The following PAK1 variants were observed in gnomAD, a reference collection of about 807,000 sequenced individuals.
PAK1 encodes the protein p21 (RAC1) activated kinase 1, also known as serine/threonine-protein kinase PAK 1.
A neutral mutation model predicts 67.4 loss-of-function variants in PAK1; 29 were observed. That is an observed-to-expected ratio of 0.43 (90% confidence interval 0.32 to 0.59). The LOEUF is 0.59. Among genes scored for constraint, PAK1 ranks in the 20% least tolerant of loss-of-function variants. The pLI is 0.07. For missense variants in PAK1, 337 were observed against 670.7 expected (o/e 0.50, Z 5.50); for synonymous variants, 223 against 237.4 (o/e 0.94, Z 0.56).
chr11:77,329,585 C>G (rs997011742), intron 14 of PAK1, among the ~76,000 whole-genome samples: 20 of 152,104 alleles, frequency 1.3e-4, no homozygotes, highest in Admixed American at 3.3e-4. Context: ...ATTCAACAAC[C>G]CTTCATGCTA....
At chr11:77,415,976 G>GTATTATTATTATTATTCTTATTAT (rs1954928123) in intron 1 of PAK1, among the ~76,000 whole-genome samples, 1 of 147,388 alleles carries the variant, frequency 6.8e-6, no homozygotes, top group Non-Finnish European at 1.5e-5. Context: ...TGTATTCTTT[G>GTATTATTATTATTATTCTTATTAT]TATTATTATT....
At chr11:77,355,899 T>G in intron 6 of PAK1, 57 bp from the exon 7 acceptor site, 1 of 1,110,050 alleles carries the variant, frequency 9.0e-7, no homozygotes, top group Non-Finnish European at 1.4e-6. Flanking sequence ...TAGGGGAACC[T>G]CTCCTAGATG....
chr11:77,507,942 C>A, the PAK1 span, among the ~76,000 whole-genome samples: 7 of 152,138 alleles, frequency 4.6e-5, no homozygotes, highest in Non-Finnish European at 8.8e-5. Context: ...ATTTGTGTAA[C>A]CACCATCCAG....
At chr11:77,328,519 C>T (rs979992160) in intron 14 of PAK1, among the ~76,000 whole-genome samples, 2 of 152,122 alleles carry the variant, frequency 1.3e-5, no homozygotes, top group African/African-American at 4.8e-5. Flanking sequence ...ACTGAACAAC[C>T]TGCTCCCGAA....
At chr11:77,474,540 T>A (rs966927512), upstream of PAK1, 3 of 152,196 alleles carry the variant, frequency 2.0e-5, no homozygotes, top group African/African-American at 7.2e-5. Flanking sequence ...GACGGCTAAC[T>A]TCCGGCGCTG....
the PAK1 span, among the ~76,000 whole-genome samples, chr11:77,494,590 T>TA: frequency 0.011 from 1,374 of 130,554 alleles, 14 homozygotes; most frequent in Admixed American, 0.036. Flanking sequence ...TAGCTACTAT[T>TA]AAAAAAAAAA....
At chr11:77,396,662 A>G (rs1374231098) in intron 1 of PAK1, among the ~76,000 whole-genome samples, 1 of 152,234 alleles carries the variant, frequency 6.6e-6, no homozygotes, top group African/African-American at 2.4e-5. Context: ...AACTTTAGAT[A>G]CCTGAAATAC....
intron 1 of PAK1, among the ~76,000 whole-genome samples, chr11:77,421,461 T>C (rs1039608966): frequency 6.6e-6 from 1 of 152,232 alleles, no homozygotes; most frequent in African/African-American, 2.4e-5. Flanking sequence ...TCCTGCTTTA[T>C]TTGTATCCTG....
intron 1 of PAK1, among the ~76,000 whole-genome samples, chr11:77,415,659 G>A (rs894555649): frequency 2.6e-5 from 4 of 152,008 alleles, no homozygotes; most frequent in Admixed American, 1.3e-4. Context: ...TACCATGAAT[G>A]GAACTTGCAG....
chr11:77,330,440 T>C (rs1228921372), intron 14 of PAK1, among the ~76,000 whole-genome samples: 1 of 152,058 alleles, frequency 6.6e-6, no homozygotes, highest in East Asian at 1.9e-4. Flanking sequence ...AACAGAGATA[T>C]AGACCAATGG....
chr11:77,496,418 G>T, the PAK1 span, among the ~76,000 whole-genome samples: 1 of 152,070 alleles, frequency 6.6e-6, no homozygotes. Flanking sequence ...GAGCCCAGGA[G>T]TTCAAGACCA....
chr11:77,514,715 A>T, the PAK1 span, among the ~76,000 whole-genome samples: 1 of 152,198 alleles, frequency 6.6e-6, no homozygotes, highest in Non-Finnish European at 1.5e-5. Flanking sequence ...CTGGGCAGGG[A>T]CTGTCTCGTT....
At chr11:77,484,022 A>T in the PAK1 span, among the ~76,000 whole-genome samples, 1 of 152,106 alleles carries the variant, frequency 6.6e-6, no homozygotes, top group East Asian at 1.9e-4. Context: ...TGGAATTTGG[A>T]ATTAGGAAAT....
At chr11:77,527,362 C>T in the PAK1 span, among the ~76,000 whole-genome samples, 1 of 152,318 alleles carries the variant, frequency 6.6e-6, no homozygotes, top group Admixed American at 6.5e-5. Flanking sequence ...CTCAGCCTCT[C>T]AAAGTGTTGG....
rs75355457 is a variant in PAK1, at chr11:77,469,505, C to T, written c.-22+4047G>A. On this transcript the variant is annotated intron_variant, in intron 1 of 14. Transcript: ENST00000356341. ...TTGCTTCATGATCCTGTAAACTAGT[C>T]GTAGCAACTATTACTATCCCCATTT... Among the ~76,000 whole-genome samples the T allele has an allele frequency of 5.9e-3, 901 of 152,244 alleles. 29 individuals are homozygous for T. In the East Asian group the frequency reaches 0.088, roughly 15 times the overall value.
the PAK1 span, among the ~76,000 whole-genome samples, chr11:77,500,990 A>G: frequency 6.6e-6 from 1 of 150,990 alleles, no homozygotes; most frequent in Non-Finnish European, 1.5e-5. Context: ...CCAAAAACCC[A>G]ATCCCGGGTA....
chr11:77,328,961 G>A (rs531593334), intron 14 of PAK1, among the ~76,000 whole-genome samples: 14 of 152,228 alleles, frequency 9.2e-5, no homozygotes, highest in Middle Eastern at 3.4e-3. Flanking sequence ...GATCACCACC[G>A]ATCCCACAGA....
intron 1 of PAK1, among the ~76,000 whole-genome samples, chr11:77,402,538 A>T (rs1048555046): frequency 8.6e-5 from 13 of 151,576 alleles, no homozygotes; most frequent in African/African-American, 3.2e-4. Context: ...AAACCTCCAA[A>T]CCTCCCATTG....
chr11:77,387,819 A>G (rs2137305174), intron 2 of PAK1, among the ~76,000 whole-genome samples: 1 of 152,336 alleles, frequency 6.6e-6, no homozygotes, highest in Middle Eastern at 3.4e-3. Flanking sequence ...ACATAACTCT[A>G]TGCAGCTGGT....
Sources: gnomAD v4.1 joint callset for allele counts (sites outside exome capture counted in the v4.1 genomes callset) on GRCh38, gnomAD v4.1.1 for gene constraint, MANE v1.5 for transcripts, NCBI Gene and HGNC (gene_info 2026-07-23, HGNC 2026-07-21) for gene names.